Variants in COMMD10 observed in about 807,000 individuals in gnomAD.
The protein encoded by COMMD10 is COMM domain containing 10.
In COMMD10, 33 loss-of-function variants were observed where a neutral mutation model predicts 28.9. The ratio of observed to expected loss-of-function variants is 1.14; its 90% CI spans 0.87 to 1.53. The LOEUF is 1.53. Ranked by LOEUF, COMMD10 falls within the 40% of genes most tolerant of loss-of-function variation. The pLI, the probability that COMMD10 is intolerant of heterozygous loss-of-function variation, is 0.00. For missense variants in COMMD10, 310 were observed against 233.4 expected (o/e 1.33, Z -2.14); for synonymous variants, 110 against 81.7 (o/e 1.35, Z -1.87).
In COMMD10 at chr5:116,277,107, G is replaced by GA. The variant is rs1008956040; in HGVS notation, c.511-14403dup. ...AGTGTTGTTATTTTCACTAAGTTATGAAAAAAACCCATGTTCCATCCTTTA... is the reference window on the plus strand; with the variant it reads ...AGTGTTGTTATTTTCACTAAGTTATGAAAAAAAACCCATGTTCCATCCTTTA... On this transcript the variant is annotated intron_variant, in intron 5 of 6. Coordinates refer to ENST00000274458, the MANE Select transcript of COMMD10 (RefSeq NM_016144.4). Among the ~76,000 whole-genome samples the GA allele has an allele frequency of 1.6e-4, 25 of 151,750 alleles. 1 individual carries two copies. The highest frequency in any genetic ancestry group is 5.1e-4 in the African/African-American group (21 of 41,220).
chr5:116,284,330 G>C (rs990634840), intron 5 of COMMD10, among the ~76,000 whole-genome samples: 1 of 144,482 alleles, frequency 6.9e-6, no homozygotes, highest in East Asian at 1.9e-4. Context: ...GATTGTATGT[G>C]TGTGTGTATG....
At chr5:116,108,278 A>G (rs1403137255) in intron 4 of COMMD10, among the ~76,000 whole-genome samples, 1 of 152,134 alleles carries the variant, frequency 6.6e-6, no homozygotes, top group Non-Finnish European at 1.5e-5. Flanking sequence ...ACCCACAGCC[A>G]CCCCTTTCCC....
At chr5:116,127,221 A>G (rs978873301) in intron 4 of COMMD10, among the ~76,000 whole-genome samples, 4 of 152,238 alleles carry the variant, frequency 2.6e-5, no homozygotes, top group African/African-American at 7.2e-5. Context: ...CAAAACCACA[A>G]TGAGATACCA....
rs1467544594 is a variant in COMMD10, at chr5:116,290,982, C to G, written c.511-535C>G. Among the ~76,000 whole-genome samples, 6 of 152,204 alleles carry G rather than the reference C, an allele frequency of 3.9e-5. No individual in the cohort carries two copies. The East Asian group carries it at 7.7e-4, about 20-fold the overall frequency. ...AGGAAAGAGAGTGTTTAAGTCCTGA[C>G]TTTGAAACTGTTGTGTTAATTGTGA... is the stretch of plus-strand genomic sequence containing the variant. On this transcript the variant is annotated intron_variant, in intron 5 of 6. Transcript: ENST00000274458.
At chr5:116,099,358 A>G (rs1418262057) in intron 4 of COMMD10, among the ~76,000 whole-genome samples, 2 of 152,184 alleles carry the variant, frequency 1.3e-5, no homozygotes, top group South Asian at 2.1e-4. Flanking sequence ...GTTGACAGAC[A>G]CTTAGGTTGT....
chr5:116,198,573 C>T (rs769179139), intron 5 of COMMD10, among the ~76,000 whole-genome samples: 8 of 152,100 alleles, frequency 5.3e-5, no homozygotes, highest in Non-Finnish European at 1.2e-4. Flanking sequence ...TGGTGTCATA[C>T]ATTTCATGGA....
intron 5 of COMMD10, among the ~76,000 whole-genome samples, chr5:116,192,075 C>T (rs1005370209): frequency 1.3e-5 from 2 of 151,938 alleles, no homozygotes; most frequent in African/African-American, 2.4e-5. Flanking sequence ...TCACTGCACA[C>T]AGTAATCACA....
At chr5:116,112,630 A>G (rs11241362) in intron 4 of COMMD10, among the ~76,000 whole-genome samples, 112,242 of 152,066 alleles carry the variant, frequency 0.74, 41,812 homozygotes, top group Non-Finnish European at 0.8. Flanking sequence ...TCTTCACCTC[A>G]TTATCCGCCT....
At chr5:116,237,144 A>T (rs1361329547) in intron 5 of COMMD10, among the ~76,000 whole-genome samples, 1 of 152,094 alleles carries the variant, frequency 6.6e-6, no homozygotes, top group African/African-American at 2.4e-5. Flanking sequence ...TAGTACAAGG[A>T]TCCTAAAGCA....
chr5:116,122,962 C>G (rs1464576358), intron 4 of COMMD10, among the ~76,000 whole-genome samples: 3 of 145,838 alleles, frequency 2.1e-5, no homozygotes, highest in African/African-American at 7.3e-5. Context: ...AACTGAATAC[C>G]CTTTATTTCT....
At chr5:116,190,256 G>T (rs546558836) in intron 5 of COMMD10, among the ~76,000 whole-genome samples, 18 of 152,008 alleles carry the variant, frequency 1.2e-4, no homozygotes, top group African/African-American at 4.3e-4. Context: ...TATATATCTA[G>T]TAGAAAATGT....
chr5:116,256,669 A>G (rs538279559), intron 5 of COMMD10, among the ~76,000 whole-genome samples: 2 of 151,942 alleles, frequency 1.3e-5, no homozygotes, highest in South Asian at 4.1e-4. Context: ...CATACACGTA[A>G]TGAGATATGT....
At chr5:116,192,894 T>A (rs1051238280) in intron 5 of COMMD10, among the ~76,000 whole-genome samples, 1 of 152,148 alleles carries the variant, frequency 6.6e-6, no homozygotes, top group Admixed American at 6.5e-5. Flanking sequence ...GAAAGAATCT[T>A]AAGAGCTGTG....
At chr5:116,241,836 C>G (rs1484480662) in intron 5 of COMMD10, among the ~76,000 whole-genome samples, 1 of 151,954 alleles carries the variant, frequency 6.6e-6, no homozygotes. Context: ...CCAGGATGGT[C>G]TCTATCTCCT....
chr5:116,173,596 C>T (rs1006241337), intron 5 of COMMD10, among the ~76,000 whole-genome samples: 12 of 152,088 alleles, frequency 7.9e-5, no homozygotes, highest in African/African-American at 2.9e-4. Context: ...GTTTGCCATT[C>T]ACTTTTGGTA....
At chr5:116,199,064 C>T (rs1748599684) in intron 5 of COMMD10, among the ~76,000 whole-genome samples, 1 of 152,102 alleles carries the variant, frequency 6.6e-6, no homozygotes, top group Non-Finnish European at 1.5e-5. Flanking sequence ...TATCTTTTTG[C>T]ATTTCCACTA....
At chr5:116,109,014 C>T (rs149129967) in intron 4 of COMMD10, among the ~76,000 whole-genome samples, 170 of 152,242 alleles carry the variant, frequency 1.1e-3, no homozygotes, top group Admixed American at 2.5e-3. Flanking sequence ...GCTCACCATC[C>T]GTGGGCTGCA....
intron 5 of COMMD10, among the ~76,000 whole-genome samples, chr5:116,195,431 C>T (rs555442855): frequency 6.6e-6 from 1 of 152,140 alleles, no homozygotes; most frequent in African/African-American, 2.4e-5. Flanking sequence ...CCAGAAAGCT[C>T]CTAGAACTGG....
At chr5:116,245,879 T>TGAGC (rs1749939974) in intron 5 of COMMD10, among the ~76,000 whole-genome samples, 1 of 152,104 alleles carries the variant, frequency 6.6e-6, no homozygotes, top group Non-Finnish European at 1.5e-5. Flanking sequence ...GCCAACATCA[T>TGAGC]ACTGAATGAG....
Sources: allele counts gnomAD v4.1 joint callset (sites outside exome capture counted in the v4.1 genomes callset), GRCh38; gene constraint gnomAD v4.1.1; transcripts MANE v1.5; gene names NCBI Gene and HGNC (gene_info 2026-07-23, HGNC 2026-07-21).